Variants in MYLIP observed in about 807,000 individuals in gnomAD.
MYLIP encodes the protein myosin regulatory light chain interacting protein, also known as E3 ubiquitin-protein ligase MYLIP.
MYLIP carries 26 observed loss-of-function variants against 45.8 expected under a neutral mutation model. The ratio of observed to expected loss-of-function variants is 0.57; its 90% CI spans 0.42 to 0.79. The LOEUF is 0.79. Ranked by LOEUF, MYLIP falls within the 30% of genes least tolerant of loss-of-function variation. MYLIP has a pLI of 0.00. For missense variants in MYLIP, 494 were observed against 555.6 expected, an observed-to-expected ratio of 0.89 and a Z score of 1.11; for synonymous variants, 213 against 218.1, an observed-to-expected ratio of 0.98 and a Z score of 0.21.
intron 2 of MYLIP, among the ~76,000 whole-genome samples, chr6:16,135,813 G>C (rs9297004): frequency 0.014 from 1,943 of 140,728 alleles, 55 homozygotes; most frequent in African/African-American, 0.045. Flanking sequence ...TATATATACA[G>C]TATATATTCT....
Position 16,146,442 on chromosome 6 carries a change from A to C in MYLIP, c.1249-220A>C, listed in dbSNP as rs2072782. On this transcript the variant is annotated intron_variant, in intron 6 of 6. Transcript: ENST00000356840. ...ACTAAAAATGTAATTAATTTCCTTCAGTTTATACTATGTCATAGTATTTAT... is the reference window on the plus strand; with the variant it reads ...ACTAAAAATGTAATTAATTTCCTTCCGTTTATACTATGTCATAGTATTTAT... Among the ~76,000 whole-genome samples the C allele has an allele frequency of 7.2e-4, 109 of 152,364 alleles. 1 individual carries two copies. In the East Asian group the frequency reaches 0.018, roughly 26 times the overall value.
intron 2 of MYLIP, among the ~76,000 whole-genome samples, chr6:16,136,382 G>T (rs1258422268): frequency 2.0e-5 from 3 of 151,938 alleles, no homozygotes; most frequent in Non-Finnish European, 4.4e-5. Flanking sequence ...CAGATTTTTT[G>T]AGATCCATCC....
chr6:16,146,333 T>C (rs923256523), intron 6 of MYLIP, among the ~76,000 whole-genome samples: 15 of 152,250 alleles, frequency 9.9e-5, no homozygotes, highest in African/African-American at 3.6e-4. Context: ...TGAAGTGTTA[T>C]AGTCTACTCA....
Position 16,130,612 on chromosome 6 carries a change from G to A in MYLIP, c.143G>A (p.Gly48Asp). 6.2e-7 allele frequency: 1 copy of A among 1,614,196 alleles called. No individual in the cohort carries two copies. Among genetic ancestry groups the A allele is most frequent in the Non-Finnish European group, 8.5e-7 (1 of 1,180,032 alleles). The change falls in exon 2 of 7, where the codon GGT becomes GAT. Residue 48 changes from glycine to aspartate, a missense_variant. Coordinates refer to ENST00000356840, the MANE Select transcript of MYLIP (RefSeq NM_013262.4). ...EVDYFGLQFTGSKGESLWLNL... is the reference protein window; with the variant it reads ...EVDYFGLQFTDSKGESLWLNL... ...GACTATTTTGGACTGCAGTTTACGG[G>A]TAGCAAAGGTGAAAGTTTATGGCTA...
rs185042496 is a variant in MYLIP, at chr6:16,146,923, T to C, written c.*172T>C. ...AGCTACTCCTCACTGCAAAAACATA[T>C]CCATGCGTAGAATCAACAACTCCAG... On this transcript the variant is annotated 3_prime_UTR_variant, in exon 7 of 7. Transcript: ENST00000356840. 2.7e-5 allele frequency: 15 copies of C among 546,794 alleles called. No individual in the cohort carries two copies. The Admixed American group carries it at 4.2e-4, about 15-fold the overall frequency. The allele number at this position is 546,794 out of a possible 1,614,324, so 33.9% of individuals were successfully genotyped here. A position where few individuals can be genotyped will look rare whatever the true frequency, so the allele number is the denominator to read the frequency against.
chr6:16,158,208 G>T, the MYLIP span, among the ~76,000 whole-genome samples: 4 of 152,126 alleles, frequency 2.6e-5, no homozygotes, highest in Non-Finnish European at 5.9e-5. Flanking sequence ...AAAGCACACC[G>T]TCCCCGCCAC....
chr6:16,143,060 G>C lies in MYLIP; in HGVS notation c.505G>C (p.Ala169Pro), dbSNP rs755651136. The C allele has an allele frequency of 1.2e-6, 2 of 1,614,174 alleles. No individual in the cohort carries two copies. The highest frequency in any genetic ancestry group is 3.3e-5 in the Admixed American group (2 of 60,026). ...TAAGGAGTTGGAGGGGACCAGCCAG[G>C]CTTCAGCTGAATACCAAGTTTTGCA... ...KHKELEGTSQ[A>P]SAEYQVLQIV... The change falls in exon 4 of 7, where the codon GCT (alanine) becomes CCT (proline). Residue 169 changes from alanine (A) to proline (P), a missense_variant. Ala to Pro is a conservative substitution (Grantham distance 27). Coordinates refer to ENST00000356840, the MANE Select transcript of MYLIP (RefSeq NM_013262.4).
chr6:16,162,225 G>A, the MYLIP span, among the ~76,000 whole-genome samples: 1 of 152,166 alleles, frequency 6.6e-6, no homozygotes, highest in Non-Finnish European at 1.5e-5. Flanking sequence ...TGAGGATGTG[G>A]GAAAATGCTA....
the MYLIP span, among the ~76,000 whole-genome samples, chr6:16,160,139 T>C: frequency 6.6e-6 from 1 of 152,228 alleles, no homozygotes; most frequent in African/African-American, 2.4e-5. Flanking sequence ...AGCATAAACC[T>C]ATCCACTCTC....
In MYLIP at chr6:16,130,610, G is replaced by A. The variant is rs1485716851; in HGVS notation, c.141G>A (p.Thr47=). 6 of 1,614,000 alleles carry A rather than the reference G, an allele frequency of 3.7e-6. No individual in the cohort carries two copies. Among genetic ancestry groups the A allele is most frequent in the African/African-American group, 2.7e-5 (2 of 74,894 alleles). ...IEVDYFGLQF[T]GSKGESLWLN... The stretch of plus-strand genomic sequence containing the variant: ...TTGACTATTTTGGACTGCAGTTTAC[G>A]GGTAGCAAAGGTGAAAGTTTATGGC... The change falls in exon 2 of 7, where the codon ACG becomes ACA. Residue 47 remains threonine, a synonymous_variant. Coordinates refer to ENST00000356840, the MANE Select transcript of MYLIP (RefSeq NM_013262.4).
intron 4 of MYLIP, among the ~76,000 whole-genome samples, 189 bp from the exon 5 acceptor site, chr6:16,143,510 C>T (rs776863888): frequency 1.8e-4 from 27 of 152,202 alleles, no homozygotes; most frequent in Non-Finnish European, 1.3e-4. Context: ...CCATACTTCC[C>T]TCCACATATG....
intron 2 of MYLIP, among the ~76,000 whole-genome samples, chr6:16,131,344 T>TA: frequency 6.6e-6 from 1 of 152,372 alleles, no homozygotes; most frequent in Middle Eastern, 3.4e-3. Context: ...AACCCACAGA[T>TA]ATGTTACACA....
chr6:16,159,968 C>T, the MYLIP span, among the ~76,000 whole-genome samples: 7 of 152,158 alleles, frequency 4.6e-5, no homozygotes, highest in Admixed American at 1.3e-4. Flanking sequence ...GAACCTCTCC[C>T]TTCTTCAAAC....
At chr6:16,138,024 T>C (rs1191691938) in intron 2 of MYLIP, among the ~76,000 whole-genome samples, 1 of 152,168 alleles carries the variant, frequency 6.6e-6, no homozygotes, top group Non-Finnish European at 1.5e-5. Context: ...TCTTAGTAAC[T>C]GGGTAAAACT....
Position 16,129,151 on chromosome 6 carries a change from G to A in MYLIP, c.-172G>A, listed in dbSNP as rs1462637739. Reference sequence around the variant, plus strand: ...GGCAGCTGGCGGGCAGCGGGTGAGGGGGTGGCGGGGACGCGAGTGGCGGCC... The same window carrying A: ...GGCAGCTGGCGGGCAGCGGGTGAGGAGGTGGCGGGGACGCGAGTGGCGGCC... On this transcript the variant is annotated 5_prime_UTR_variant, in exon 1 of 7. Coordinates refer to ENST00000356840, the MANE Select transcript of MYLIP (RefSeq NM_013262.4). This position sits in a 1 kb window ranked among gnomAD's most constrained non-coding sequence, Gnocchi z 5.1. The A allele has an allele frequency of 1.6e-5, 10 of 626,276 alleles. No homozygotes were observed. In the Admixed American group the frequency reaches 2.8e-4, roughly 18 times the overall value. 38.8% of individuals were successfully genotyped at this position (626,276 alleles called of 1,614,324 possible). A position where few individuals can be genotyped will look rare whatever the true frequency, so the allele number is the denominator to read the frequency against.
chr6:16,146,776 G>A lies in MYLIP; in HGVS notation c.*25G>A, dbSNP rs1759801065. 4 of 1,561,940 alleles carry A rather than the reference G, an allele frequency of 2.6e-6. No homozygotes were observed. Among genetic ancestry groups the A allele is most frequent in the Admixed American group, 1.8e-5 (1 of 56,990 alleles). On this transcript the variant is annotated 3_prime_UTR_variant, in exon 7 of 7. Transcript: ENST00000356840. ...ATCTGTTGTGCTTTTGTTGGACTTG[G>A]CATGTTTCCATGAACTGCACTATTA...
chr6:16,144,959 C>A lies in MYLIP; in HGVS notation c.890C>A (p.Ala297Glu). The change falls in exon 6 of 7, where the codon GCA (alanine) becomes GAA (glutamate). Residue 297 changes from alanine to glutamate, a missense_variant. Physicochemically the swap from Ala to Glu is moderately radical, Grantham distance 107. Coordinates refer to ENST00000356840, the MANE Select transcript of MYLIP (RefSeq NM_013262.4). ...QYSRDLKGHL[A>E]SLFLNENINL... ...AGCCGTGACTTGAAGGGCCACTTGGCATCTCTGTTTCTGAATGAAAACATT... is the reference window on the plus strand; with the variant it reads ...AGCCGTGACTTGAAGGGCCACTTGGAATCTCTGTTTCTGAATGAAAACATT... The A allele has an allele frequency of 6.2e-7, 1 of 1,614,200 alleles. No homozygotes were observed. The highest frequency in any genetic ancestry group is 8.5e-7 in the Non-Finnish European group (1 of 1,180,044).
In MYLIP at chr6:16,129,458, G is replaced by A. The variant is rs1484411811; in HGVS notation, c.87+49G>A. 6.5e-7 allele frequency: 1 copy of A among 1,527,686 alleles called. No individual in the cohort carries two copies. Among genetic ancestry groups the A allele is most frequent in the Non-Finnish European group, 8.9e-7 (1 of 1,128,106 alleles). 94.6% of individuals were successfully genotyped at this position (1,527,686 alleles called of 1,614,324 possible). A position where few individuals can be genotyped will look rare whatever the true frequency, so the allele number is the denominator to read the frequency against. ...GCCCCGGCGGGTCCCGCGAGGCCGA[G>A]GGGCCTCGCAGCGACGCCTGGCACT... On this transcript the variant is annotated intron_variant, in intron 1 of 6. Coordinates refer to ENST00000356840, the MANE Select transcript of MYLIP (RefSeq NM_013262.4). The surrounding 1 kb of genome is among the most constrained non-coding windows in gnomAD (Gnocchi z 5.1).
At chr6:16,151,398 C>T (rs1204347939), downstream of MYLIP, among the ~76,000 whole-genome samples, 6 of 151,852 alleles carry the variant, frequency 4.0e-5, no homozygotes, top group Non-Finnish European at 8.8e-5. Context: ...TGCATGCACA[C>T]GTCACCACGT....
Sources: gnomAD v4.1 joint callset for allele counts (sites outside exome capture counted in the v4.1 genomes callset) on GRCh38, gnomAD v4.1.1 for gene constraint, Gnocchi (gnomAD v3.1) non-coding constraint, MANE v1.5 for transcripts, NCBI Gene and HGNC (gene_info 2026-07-23, HGNC 2026-07-21) for gene names.